KIAA0408: variants seen among roughly 807,000 people sequenced by gnomAD.
KIAA0408 encodes KIAA0408.
Under a neutral mutation model 60.9 loss-of-function variants are expected in KIAA0408, and 51 were observed. That is an observed-to-expected ratio of 0.84 (90% CI 0.67 to 1.06). The LOEUF (loss-of-function observed/expected upper bound fraction) is 1.06, where lower values mean the gene tolerates loss of function less well. Among genes scored for constraint, KIAA0408 ranks in the 50% least tolerant of loss-of-function variants. KIAA0408 has a pLI of 0.00. For missense variants in KIAA0408, 787 were observed against 833.9 expected (o/e 0.94, Z 0.69); for synonymous variants, 304 against 282.4 (o/e 1.08, Z -0.77).
Position 127,447,000 on chromosome 6 carries a change from G to A in KIAA0408, c.1319C>T (p.Ala440Val), listed in dbSNP as rs763895159. The change falls in exon 5 of 6, where the codon GCA becomes GTA. Residue 440 changes from alanine (A) to valine (V), a missense_variant. By Grantham distance (64) the Ala-to-Val change is moderately conservative. This residue lies in a region of KIAA0408 where 640 missense variants were observed against 681.3 expected (regional missense o/e 0.94). Transcript: ENST00000483725. Reference protein sequence around the residue: ...ERTTRNEKLAAKTDEFNRTVF... With the variant: ...ERTTRNEKLAVKTDEFNRTVF... ...AGTTCTGTTAAATTCATCAGTCTTT[G>A]CTGCCAGCTTCTCATTCCTTGTAGT... 1.2e-6 allele frequency: 2 copies of A among 1,613,754 alleles called. No homozygotes were observed. Among genetic ancestry groups the A allele is most frequent in the East Asian group, 4.5e-5 (2 of 44,874 alleles).
At chr6:127,454,901 C>T (rs561464411) in intron 1 of KIAA0408, among the ~76,000 whole-genome samples, 2 of 152,064 alleles carry the variant, frequency 1.3e-5, no homozygotes, top group Admixed American at 6.6e-5. Context: ...ACTTTCTAGC[C>T]TTCAGGGACG....
rs1037879851 is a variant in KIAA0408, at chr6:127,447,678, G to A, written c.641C>T (p.Pro214Leu). The change falls in exon 5 of 6, where the codon CCC (proline) becomes CTC (leucine). Residue 214 changes from proline (P) to leucine (L), a missense_variant. Physicochemically the swap from Pro to Leu is moderately conservative, Grantham distance 98 (BLOSUM62 -3). This residue lies in a region of KIAA0408 where 640 missense variants were observed against 681.3 expected (regional missense o/e 0.94). Transcript: ENST00000483725. ...PNVTNIPHGD[P>L]MINNDQCILP... Reference sequence around the variant, plus strand: ...AATGCACTGGTCATTGTTGATCATGGGGTCCCCATGAGGTATATTAGTTAC... The same window carrying A: ...AATGCACTGGTCATTGTTGATCATGAGGTCCCCATGAGGTATATTAGTTAC... 26 of 1,593,802 alleles carry A rather than the reference G, an allele frequency of 1.6e-5. No individual in the cohort carries two copies. The highest frequency in any genetic ancestry group is 2.2e-5 in the Non-Finnish European group (26 of 1,173,914).
intron 3 of KIAA0408, 25 bp from the exon 4 acceptor site, chr6:127,449,926 G>T (rs1436872142): frequency 1.9e-6 from 3 of 1,613,806 alleles, no homozygotes; most frequent in Non-Finnish European, 2.5e-6. Context: ...GCAACAGCCC[G>T]TTAGCACTTT....
intron 2 of KIAA0408, among the ~76,000 whole-genome samples, chr6:127,452,222 A>T (rs555878495): frequency 6.6e-6 from 1 of 152,288 alleles, no homozygotes; most frequent in African/African-American, 2.4e-5. Flanking sequence ...AATAATTTAC[A>T]TCTGATTTAA....
At position 127,447,567 on chromosome 6, in the gene KIAA0408, T is replaced by A; in HGVS notation, c.752A>T (p.Lys251Ile). The A allele has an allele frequency of 6.2e-7, 1 of 1,611,418 alleles. No homozygotes were observed. The highest frequency in any genetic ancestry group is 8.5e-7 in the Non-Finnish European group (1 of 1,179,320). The change falls in exon 5 of 6, where the codon AAA becomes ATA. Residue 251 changes from lysine (K) to isoleucine (I), a missense_variant. Coordinates refer to ENST00000483725, the MANE Select transcript of KIAA0408 (RefSeq NM_014702.5). ...TNVLQSNSTK[K>I]CGIDTIDLKR... is the part of the protein sequence containing the mutation. ...TAAATCGATTGTATCAATTCCACAT[T>A]TTTTCGTAGAATTGCTCTGGAGCAC...
intron 5 of KIAA0408, among the ~76,000 whole-genome samples, chr6:127,445,347 A>G (rs1210748303): frequency 2.0e-5 from 3 of 152,182 alleles, no homozygotes; most frequent in Admixed American, 6.5e-5. Flanking sequence ...TCTATTTCCC[A>G]TCTTTAGCTA....
At position 127,447,225 on chromosome 6, in the gene KIAA0408, A is replaced by G. The variant is rs140568278; in HGVS notation, c.1094T>C (p.Ile365Thr). The G allele has an allele frequency of 1.1e-5, 17 of 1,612,990 alleles. No individual in the cohort carries two copies. The highest frequency in any genetic ancestry group is 6.7e-5 in the East Asian group (3 of 44,886). The change falls in exon 5 of 6, where the codon ATT (isoleucine) becomes ACT (threonine). Residue 365 changes from isoleucine (I) to threonine (T), a missense_variant. Coordinates refer to ENST00000483725, the MANE Select transcript of KIAA0408 (RefSeq NM_014702.5). ...DVGLSMWSCD[I>T]GIGAKRSPST... ...GGGGCTCCTTTTTGCACCTATCCCA[A>G]TGTCACATGACCACATGCTAAGTCC... is the stretch of plus-strand genomic sequence containing the variant.
chr6:127,438,596 TA>T lies in KIAA0408; in HGVS notation c.*5512del, dbSNP rs1404820509. The T allele has an allele frequency of 1.3e-5, 2 of 152,188 alleles. No individual in the cohort carries two copies. Among genetic ancestry groups the T allele is most frequent in the African/African-American group, 2.4e-5 (1 of 41,450 alleles). The allele number at this position is 152,188 out of a possible 1,614,324, so 9.4% of individuals were successfully genotyped here. A position where few individuals can be genotyped will look rare whatever the true frequency, so the allele number is the denominator to read the frequency against. On this transcript the variant is annotated 3_prime_UTR_variant, in exon 6 of 6. Transcript: ENST00000483725. ...GCGAACATCACAGAGTGTAATTATA[TA>T]AATCTAGATGGTAGGCTTGAAAGTA...
rs1327739382 is a variant in KIAA0408, at chr6:127,439,430, G to A, written c.*4679C>T. 1 of 152,066 alleles carries A rather than the reference G, an allele frequency of 6.6e-6. No individual in the cohort carries two copies. Among genetic ancestry groups the A allele is most frequent in the African/African-American group, 2.4e-5 (1 of 41,410 alleles). The allele number at this position is 152,066 out of a possible 1,614,324, so 9.4% of individuals were successfully genotyped here. On this transcript the variant is annotated 3_prime_UTR_variant, in exon 6 of 6. Transcript: ENST00000483725. ...AAATCAGAGCATAGGCATTAAAAGT[G>A]GAAATATTTTGTTAAAGCCTTGTTC...
chr6:127,458,428 C>T (rs929487057), intron 1 of KIAA0408, among the ~76,000 whole-genome samples: 2 of 152,142 alleles, frequency 1.3e-5, no homozygotes, highest in African/African-American at 4.8e-5. Context: ...CATGCAATTC[C>T]GAATGAATCA....
At chr6:127,445,809 T>C (rs1773181666) in intron 5 of KIAA0408, among the ~76,000 whole-genome samples, 1 of 152,132 alleles carries the variant, frequency 6.6e-6, no homozygotes, top group Non-Finnish European at 1.5e-5. Flanking sequence ...GTGGGGTTTT[T>C]TTGGTCAATT....
At chr6:127,450,808 A>G (rs1421798282) in intron 2 of KIAA0408, 1 of 159,166 alleles carries the variant, frequency 6.3e-6, no homozygotes, top group Non-Finnish European at 1.4e-5. Context: ...TCAGATAGTA[A>G]GTCAACTTAT....
intron 2 of KIAA0408, 177 bp from the exon 3 acceptor site, chr6:127,450,529 T>C: frequency 1.9e-6 from 2 of 1,050,712 alleles, no homozygotes; most frequent in African/African-American, 1.6e-5. Flanking sequence ...TGGAACAAGT[T>C]TGATGAAACA....
intron 5 of KIAA0408, among the ~76,000 whole-genome samples, chr6:127,446,034 T>A (rs1773186405): frequency 1.3e-5 from 2 of 152,152 alleles, no homozygotes; most frequent in Admixed American, 6.5e-5. Context: ...AAAACGATTT[T>A]AAAAATATTT....
chr6:127,458,818 T>TAA (rs144475024), intron 1 of KIAA0408, among the ~76,000 whole-genome samples: 62 of 152,070 alleles, frequency 4.1e-4, no homozygotes, highest in African/African-American at 1.5e-3. Context: ...TTTATATGAA[T>TAA]AAAAAAAATC....
At chr6:127,448,279 A>C (rs1379602473) in intron 4 of KIAA0408, among the ~76,000 whole-genome samples, 1 of 152,176 alleles carries the variant, frequency 6.6e-6, no homozygotes, top group African/African-American at 2.4e-5. Flanking sequence ...AATTTTTTGG[A>C]TGACTTGAGT....
intron 1 of KIAA0408, among the ~76,000 whole-genome samples, 179 bp downstream of exon 1, chr6:127,458,996 C>T (rs527395249): frequency 6.6e-6 from 1 of 152,284 alleles, no homozygotes; most frequent in East Asian, 1.9e-4. Flanking sequence ...GGAGTCAGTA[C>T]AATCTGTTAT....
chr6:127,453,951 C>G lies in KIAA0408; in HGVS notation c.31G>C (p.Glu11Gln). 1 of 1,612,906 alleles carries G rather than the reference C, an allele frequency of 6.2e-7. No individual in the cohort carries two copies. The highest frequency in any genetic ancestry group is 8.5e-7 in the Non-Finnish European group (1 of 1,179,184). The change falls in exon 2 of 6, where the codon GAG (glutamate) becomes CAG (glutamine). Residue 11 changes from glutamate to glutamine, a missense_variant. Glu to Gln is a conservative substitution (Grantham distance 29). Coordinates refer to ENST00000483725, the MANE Select transcript of KIAA0408 (RefSeq NM_014702.5). MDLHKQWENTETNWHKEKMEL... is the reference protein window; with the variant it reads MDLHKQWENTQTNWHKEKMEL... ...ATCTTTTCCTTATGCCAGTTAGTCT[C>G]TGTGTTCTCCCACTGCTTATGTAGG...
Position 127,447,649 on chromosome 6 carries a change from G to T in KIAA0408, c.670C>A (p.Pro224Thr). The T allele has an allele frequency of 6.2e-7, 1 of 1,611,884 alleles. No individual in the cohort carries two copies. The highest frequency in any genetic ancestry group is 1.3e-5 in the African/African-American group (1 of 74,728). Residue 224 changes from proline to threonine, a missense_variant, in exon 5 of 6, where the codon CCA becomes ACA. Transcript: ENST00000483725. The part of the protein sequence containing the change: ...PMINNDQCIL[P>T]ISLEKEKQKN... Reference sequence around the variant, plus strand: ...TGTTTTTCTTTTTCTAAACTGATTGGAAGAATGCACTGGTCATTGTTGATC... The same window carrying T: ...TGTTTTTCTTTTTCTAAACTGATTGTAAGAATGCACTGGTCATTGTTGATC...
Sources: gnomAD v4.1 joint callset for allele counts (sites outside exome capture counted in the v4.1 genomes callset) on GRCh38, gnomAD v4.1.1 for gene constraint, gnomAD v4.1.1 regional missense constraint, MANE v1.5 for transcripts, NCBI Gene and HGNC (gene_info 2026-07-23, HGNC 2026-07-21) for gene names.